Variants in SORCS2 observed in about 807,000 individuals in gnomAD.
The protein encoded by SORCS2 is sortilin related VPS10 domain containing receptor 2.
SORCS2 carries 100 observed loss-of-function variants against 141.6 expected under a neutral mutation model. The ratio of observed to expected loss-of-function variants is 0.71; its 90% CI spans 0.60 to 0.83. The LOEUF (loss-of-function observed/expected upper bound fraction) is 0.83, where lower values mean the gene tolerates loss of function less well. Ranked by LOEUF, SORCS2 falls within the 40% of genes least tolerant of loss-of-function variation. SORCS2 has a pLI of 0.00. For synonymous variants in SORCS2, 789 were observed against 676.9 expected (o/e 1.17, Z -2.57); for missense variants, 1,646 against 1,560.2 (o/e 1.05, Z -0.93).
intron 1 of SORCS2, among the ~76,000 whole-genome samples, chr4:7,294,297 G>T (rs1175450733): frequency 6.6e-6 from 1 of 152,164 alleles, no homozygotes; most frequent in South Asian, 2.1e-4. Flanking sequence ...TGGGGCCAAG[G>T]CCTATTTGGG....
chr4:7,460,570 C>T (rs1379528568), intron 2 of SORCS2, among the ~76,000 whole-genome samples: 8 of 152,230 alleles, frequency 5.3e-5, no homozygotes, highest in African/African-American at 1.9e-4. Flanking sequence ...TGGTGCATTT[C>T]CATGACTGGA....
chr4:7,338,215 TGGATGGATGGATGTCGGATGGAA>T (rs1421837317), intron 1 of SORCS2, among the ~76,000 whole-genome samples: 1 of 141,898 alleles, frequency 7.0e-6, no homozygotes, highest in Non-Finnish European at 1.5e-5. Flanking sequence ...GTTGGATGGA[TGGATGGATGGATGTCGGATGGAA>T]GGATGGATGG....
At chr4:7,495,933 G>A (rs1256266288) in intron 2 of SORCS2, among the ~76,000 whole-genome samples, 1 of 152,230 alleles carries the variant, frequency 6.6e-6, no homozygotes, top group Non-Finnish European at 1.5e-5. Context: ...GCACCTGCCG[G>A]CCTGGCCTAG....
chr4:7,729,395 G>A (rs1727445911), intron 22 of SORCS2, among the ~76,000 whole-genome samples, 192 bp from the exon 23 acceptor site: 1 of 152,082 alleles, frequency 6.6e-6, no homozygotes, highest in Non-Finnish European at 1.5e-5. Flanking sequence ...AGGGCCCTGG[G>A]TAGCTGGGTG....
intron 1 of SORCS2, among the ~76,000 whole-genome samples, chr4:7,307,121 T>G (rs1717886312): frequency 6.6e-6 from 1 of 152,172 alleles, no homozygotes; most frequent in Non-Finnish European, 1.5e-5. Flanking sequence ...GTGCCTGGAT[T>G]AGAAGCCTGT....
At chr4:7,615,086 A>C (rs561636801) in intron 3 of SORCS2, among the ~76,000 whole-genome samples, 177 of 152,274 alleles carry the variant, frequency 1.2e-3, no homozygotes, top group African/African-American at 4.0e-3. Context: ...CTACCCATCC[A>C]TCCATCCATT....
intron 2 of SORCS2, among the ~76,000 whole-genome samples, chr4:7,497,863 A>G (rs1018862326): frequency 1.4e-4 from 22 of 152,280 alleles, no homozygotes; most frequent in Admixed American, 7.8e-4. Flanking sequence ...GAGGACCAGC[A>G]GGAGCTTTGT....
At position 7,361,476 on chromosome 4, in the gene SORCS2, G is replaced by A. The variant is rs536850556; in HGVS notation, c.481-34812G>A. Among the ~76,000 whole-genome samples the A allele has an allele frequency of 3.4e-3, 513 of 152,312 alleles. 5 individuals are homozygous for A. Among genetic ancestry groups the A allele is most frequent in the African/African-American group, 0.012 (481 of 41,564 alleles). ...TGGCAGCCCTGGCCTCAGTGCAGCCGGGAGAGAGAGGATCTGGGCTTCTCA... is the reference window on the plus strand; with the variant it reads ...TGGCAGCCCTGGCCTCAGTGCAGCCAGGAGAGAGAGGATCTGGGCTTCTCA... On this transcript the variant is annotated intron_variant, in intron 1 of 26. Coordinates refer to ENST00000507866, the MANE Select transcript of SORCS2 (RefSeq NM_020777.3).
chr4:7,255,261 A>G (rs6446588), intron 1 of SORCS2, among the ~76,000 whole-genome samples: 131,102 of 151,860 alleles, frequency 0.86, 56,698 homozygotes, highest in South Asian at 0.89. Flanking sequence ...CCTTGGGAGA[A>G]TCTAACAGGT....
chr4:7,531,606 A>G lies in SORCS2; in HGVS notation c.625A>G (p.Ile209Val), dbSNP rs775605590. ...CACCACCGTCATCGACAATTTCTAC[A>G]TCTGCCCGACCAACAAGAGGAAGGT... ...GVTTVIDNFY[I>V]CPTNKRKVIL... Residue 209 changes from isoleucine (I) to valine (V), a missense_variant, in exon 3 of 27, where the codon ATC becomes GTC. Coordinates refer to ENST00000507866, the MANE Select transcript of SORCS2 (RefSeq NM_020777.3). The G allele has an allele frequency of 6.2e-7, 1 of 1,613,632 alleles. No individual in the cohort carries two copies. Among genetic ancestry groups the G allele is most frequent in the Non-Finnish European group, 8.5e-7 (1 of 1,179,812 alleles).
At chr4:7,291,812 T>C (rs1716621012) in intron 1 of SORCS2, among the ~76,000 whole-genome samples, 1 of 152,194 alleles carries the variant, frequency 6.6e-6, no homozygotes, top group Non-Finnish European at 1.5e-5. Context: ...GAAGCCGATA[T>C]GCAAAGAGGA....
At chr4:7,570,502 A>G in intron 3 of SORCS2, among the ~76,000 whole-genome samples, 1 of 152,332 alleles carries the variant, frequency 6.6e-6, no homozygotes, top group East Asian at 1.9e-4. Flanking sequence ...GTGTGTCCCC[A>G]TCTGCATGTC....
At chr4:7,347,392 T>A (rs577125699) in intron 1 of SORCS2, among the ~76,000 whole-genome samples, 1 of 152,326 alleles carries the variant, frequency 6.6e-6, no homozygotes, top group South Asian at 2.1e-4. Flanking sequence ...CAAGGACATA[T>A]CAGTGAATAA....
intron 8 of SORCS2, among the ~76,000 whole-genome samples, chr4:7,667,974 C>T (rs1387940301): frequency 1.3e-5 from 2 of 152,214 alleles, no homozygotes; most frequent in East Asian, 1.9e-4. Context: ...GCCACACCTC[C>T]CTCGTGAGGA....
intron 1 of SORCS2, among the ~76,000 whole-genome samples, chr4:7,359,178 C>A (rs1215124954): frequency 6.6e-6 from 1 of 152,208 alleles, no homozygotes; most frequent in Non-Finnish European, 1.5e-5. Flanking sequence ...TGCCTGTAGT[C>A]CCAGCTACTC....
At chr4:7,416,459 G>C (rs1336483653) in intron 2 of SORCS2, among the ~76,000 whole-genome samples, 1 of 152,168 alleles carries the variant, frequency 6.6e-6, no homozygotes, top group Non-Finnish European at 1.5e-5. Context: ...CTGATGCCCT[G>C]TGTACGGTGC....
intron 2 of SORCS2, among the ~76,000 whole-genome samples, chr4:7,438,721 T>C (rs1727463261): frequency 6.6e-6 from 1 of 152,150 alleles, no homozygotes; most frequent in Non-Finnish European, 1.5e-5. Context: ...ACTTATGTTT[T>C]TTTAAAAAAA....
chr4:7,236,729 G>A (rs1577308305), intron 1 of SORCS2, among the ~76,000 whole-genome samples: 1 of 152,066 alleles, frequency 6.6e-6, no homozygotes, highest in East Asian at 1.9e-4. Context: ...CTACAGGCAC[G>A]TGCCACCATG....
intron 3 of SORCS2, among the ~76,000 whole-genome samples, chr4:7,566,700 C>A (rs1045698477): frequency 6.6e-6 from 1 of 152,262 alleles, no homozygotes; most frequent in Admixed American, 6.5e-5. Flanking sequence ...TAGGAAGTGA[C>A]GTGCATTGCT....
Sources: allele counts gnomAD v4.1 joint callset (sites outside exome capture counted in the v4.1 genomes callset), GRCh38; gene constraint gnomAD v4.1.1; transcripts MANE v1.5; gene names NCBI Gene and HGNC (gene_info 2026-07-23, HGNC 2026-07-21).